KCNQ5: variants seen among roughly 807,000 people sequenced by gnomAD.
KCNQ5 encodes the protein potassium voltage-gated channel subfamily KQT member 5.
KCNQ5 carries 30 observed loss-of-function variants against 98.2 expected under a neutral mutation model. The observed-to-expected ratio is 0.31, with a 90% CI of 0.23 to 0.41. KCNQ5 has a LOEUF of 0.41. Ranked by LOEUF, KCNQ5 falls within the 10% of genes least tolerant of loss-of-function variation. The pLI is 1.00. For missense variants in KCNQ5, 835 were observed against 1,182.5 expected, an observed-to-expected ratio of 0.71 and a Z score of 4.31; for synonymous variants, 458 against 449.4, an observed-to-expected ratio of 1.02 and a Z score of -0.24.
intron 1 of KCNQ5, among the ~76,000 whole-genome samples, chr6:72,658,578 A>ATATTTTTT (rs1226386362): frequency 1.2e-4 from 9 of 76,380 alleles, no homozygotes; most frequent in African/African-American, 3.9e-4. Context: ...ATATATATAT[A>ATATTTTTT]TTTTTTTTTT....
chr6:72,976,652 G>T (rs1768172356), intron 1 of KCNQ5, among the ~76,000 whole-genome samples: 1 of 152,190 alleles, frequency 6.6e-6, no homozygotes, highest in Non-Finnish European at 1.5e-5. Context: ...GGTCAGCAGA[G>T]TCATTAGTGG....
intron 4 of KCNQ5, 130 bp from the exon 5 acceptor site, chr6:73,077,632 A>G: frequency 8.0e-7 from 1 of 1,251,750 alleles, no homozygotes; most frequent in Non-Finnish European, 1.1e-6. Flanking sequence ...GACATGATGT[A>G]CAATGGATTA....
intron 1 of KCNQ5, among the ~76,000 whole-genome samples, chr6:72,731,673 C>T (rs1193035726): frequency 6.6e-6 from 1 of 152,152 alleles, no homozygotes; most frequent in South Asian, 2.1e-4. Flanking sequence ...TCAAGTGAAG[C>T]CGGTTCTCTT....
At chr6:73,119,786 T>A (rs1582393076) in intron 7 of KCNQ5, among the ~76,000 whole-genome samples, 2 of 133,182 alleles carry the variant, frequency 1.5e-5, no homozygotes, top group Admixed American at 1.4e-4. Context: ...TGTATGCTCA[T>A]GCTCAAGTCG....
chr6:72,997,782 C>CAAAAAAAAAAAAAAAAAAAAAAA (rs70994154), intron 1 of KCNQ5, among the ~76,000 whole-genome samples: 1 of 62,064 alleles, frequency 1.6e-5, no homozygotes, highest in Non-Finnish European at 2.7e-5. Flanking sequence ...GACTCTGTCT[C>CAAAAAAAAAAAAAAAAAAAAAAA]AAAAAAAAAA....
At chr6:72,809,992 C>T (rs1405720847) in intron 1 of KCNQ5, among the ~76,000 whole-genome samples, 1 of 152,072 alleles carries the variant, frequency 6.6e-6, no homozygotes, top group African/African-American at 2.4e-5. Context: ...TTTTAATGGG[C>T]CCTGAATGAT....
intron 1 of KCNQ5, among the ~76,000 whole-genome samples, chr6:72,820,754 T>G (rs1467778748): frequency 2.0e-5 from 3 of 152,106 alleles, no homozygotes; most frequent in Non-Finnish European, 4.4e-5. Flanking sequence ...ATGTATCATT[T>G]CCCTCTGTAG....
At chr6:72,714,223 A>T (rs1769525657) in intron 1 of KCNQ5, among the ~76,000 whole-genome samples, 1 of 152,186 alleles carries the variant, frequency 6.6e-6, no homozygotes. Flanking sequence ...CTAATTAACT[A>T]TCTTAGGTAT....
At chr6:72,993,870 C>A (rs1769140086) in intron 1 of KCNQ5, among the ~76,000 whole-genome samples, 1 of 32,952 alleles carries the variant, frequency 3.0e-5, no homozygotes, top group Non-Finnish European at 5.3e-5. Flanking sequence ...GTTAGTTTTC[C>A]TTCTAACAGA....
intron 1 of KCNQ5, among the ~76,000 whole-genome samples, chr6:72,939,181 C>T (rs1294019121): frequency 6.6e-6 from 1 of 152,168 alleles, no homozygotes; most frequent in East Asian, 1.9e-4. Flanking sequence ...TGAGGAGGAG[C>T]GTCTGTGCCC....
chr6:73,100,574 C>T (rs1285037400), intron 5 of KCNQ5, among the ~76,000 whole-genome samples: 1 of 151,484 alleles, frequency 6.6e-6, no homozygotes, highest in Admixed American at 6.6e-5. Flanking sequence ...GAAGCTGAGG[C>T]AGGAGAATGG....
chr6:72,808,438 A>C (rs1294611776), intron 1 of KCNQ5, among the ~76,000 whole-genome samples: 1 of 152,212 alleles, frequency 6.6e-6, no homozygotes, highest in Admixed American at 6.5e-5. Context: ...AAGAGGGTGC[A>C]CAGAGCACTG....
chr6:73,046,526 TTATAAA>T (rs1771962254), intron 3 of KCNQ5, among the ~76,000 whole-genome samples: 1 of 151,914 alleles, frequency 6.6e-6, no homozygotes, highest in African/African-American at 2.4e-5. Flanking sequence ...TTTAAGCACT[TTATAAA>T]TATGGTCTTA....
At chr6:73,064,625 G>A (rs1772968066) in intron 3 of KCNQ5, among the ~76,000 whole-genome samples, 1 of 152,096 alleles carries the variant, frequency 6.6e-6, no homozygotes, top group South Asian at 2.1e-4. Context: ...AATAGGTACT[G>A]AAGAAAATTT....
intron 5 of KCNQ5, among the ~76,000 whole-genome samples, chr6:73,084,748 C>T (rs533568427): frequency 6.6e-6 from 1 of 152,310 alleles, no homozygotes; most frequent in African/African-American, 2.4e-5. Context: ...CCAGAATCTC[C>T]CCACTTATTC....
At chr6:72,917,989 T>C (rs754120578) in intron 1 of KCNQ5, among the ~76,000 whole-genome samples, 1 of 152,134 alleles carries the variant, frequency 6.6e-6, no homozygotes, top group Non-Finnish European at 1.5e-5. Context: ...GTCTGCCCAC[T>C]AGACGCAATA....
intron 1 of KCNQ5, among the ~76,000 whole-genome samples, chr6:72,684,444 C>T (rs905331951): frequency 1.3e-5 from 2 of 152,214 alleles, no homozygotes; most frequent in Non-Finnish European, 2.9e-5. Context: ...TCCACAGAGG[C>T]AGACAGTAAA....
intron 3 of KCNQ5, among the ~76,000 whole-genome samples, chr6:73,069,960 C>T (rs545573099): frequency 2.6e-5 from 4 of 152,040 alleles, no homozygotes; most frequent in East Asian, 3.9e-4. Context: ...AGAGAAGTAG[C>T]GTAGCCTGAA....
chr6:72,622,820 G>A lies in KCNQ5; in HGVS notation c.398+233G>A, dbSNP rs935891297. Among the ~76,000 whole-genome samples the A allele has an allele frequency of 1.3e-5, 2 of 152,106 alleles. No individual in the cohort carries two copies. Among genetic ancestry groups the A allele is most frequent in the African/African-American group, 2.4e-5 (1 of 41,422 alleles). On this transcript the variant is annotated intron_variant, in intron 1 of 13. Transcript: ENST00000370398. The surrounding 1 kb of genome is among the most constrained non-coding windows in gnomAD (Gnocchi z 6.0). ...CCCGAGGACACCCAATGAACTGCCC[G>A]GTAGCTTCAGGCTCCCGGGGCGAGA...
Sources: gnomAD v4.1 joint callset for allele counts (sites outside exome capture counted in the v4.1 genomes callset) on GRCh38, gnomAD v4.1.1 for gene constraint, Gnocchi (gnomAD v3.1) non-coding constraint, MANE v1.5 for transcripts, NCBI Gene and HGNC (gene_info 2026-07-23, HGNC 2026-07-21) for gene names.